Variants in DNAH6 observed in about 807,000 individuals in gnomAD.
DNAH6 encodes the protein axonemal beta dynein heavy chain 6.
DNAH6 carries 340 observed loss-of-function variants against 491.4 expected under a neutral mutation model. That is an observed-to-expected ratio of 0.69 (90% CI 0.63 to 0.76). The LOEUF (loss-of-function observed/expected upper bound fraction) is 0.76. Ranked by LOEUF, DNAH6 falls within the 30% of genes least tolerant of loss-of-function variation. DNAH6 has a pLI of 0.00. For missense variants in DNAH6, 4,443 were observed against 4,972.2 expected (o/e 0.89, Z 3.20); for synonymous variants, 1,603 against 1,686.1 (o/e 0.95, Z 1.21).
intron 61 of DNAH6, among the ~76,000 whole-genome samples, chr2:84,731,597 A>G (rs1450423670): frequency 2.0e-5 from 3 of 152,218 alleles, no homozygotes; most frequent in Non-Finnish European, 2.9e-5. Flanking sequence ...GAAGCAACCT[A>G]TAAAACAGAT....
chr2:84,784,557 T>A (rs576796850), intron 65 of DNAH6, among the ~76,000 whole-genome samples, 165 bp from the exon 66 acceptor site: 87 of 152,330 alleles, frequency 5.7e-4, no homozygotes, highest in Non-Finnish European at 1.1e-3. Context: ...TGCATCTTAC[T>A]CCCATTTTGA....
chr2:84,654,112 A>AAGAGAGAGAGAGAGAGAAAGAAAGAGG (rs1558860048), intron 34 of DNAH6, among the ~76,000 whole-genome samples: 1 of 150,730 alleles, frequency 6.6e-6, no homozygotes, highest in Non-Finnish European at 1.5e-5. Flanking sequence ...GAGAGAGAGA[A>AAGAGAGAGAGAGAGAGAAAGAAAGAGG]AGAGAGAGAG....
the DNAH6 span, among the ~76,000 whole-genome samples, chr2:84,497,194 C>T: frequency 6.6e-6 from 1 of 152,148 alleles, no homozygotes; most frequent in African/African-American, 2.4e-5. Flanking sequence ...TGGTCTCAAA[C>T]TCCTGACCTC....
At chr2:84,727,435 A>G (rs890419664) in intron 60 of DNAH6, among the ~76,000 whole-genome samples, 4 of 152,124 alleles carry the variant, frequency 2.6e-5, no homozygotes, top group African/African-American at 7.2e-5. Context: ...GGTCTCATCA[A>G]TGTAATAGCA....
intron 37 of DNAH6, among the ~76,000 whole-genome samples, chr2:84,662,939 G>C (rs184609442): frequency 1.4e-4 from 22 of 152,184 alleles, no homozygotes; most frequent in African/African-American, 4.6e-4. Flanking sequence ...AATATTTGCT[G>C]TTCTGCAGCC....
At chr2:84,729,852 A>G (rs552430779) in intron 61 of DNAH6, among the ~76,000 whole-genome samples, 1 of 152,252 alleles carries the variant, frequency 6.6e-6, no homozygotes, top group South Asian at 2.1e-4. Context: ...TTTTTATCGT[A>G]AGTACTACAT....
chr2:84,706,946 A>G lies in DNAH6; in HGVS notation c.8778A>G (p.Leu2926=). The G allele has an allele frequency of 6.5e-7, 1 of 1,544,782 alleles. No individual in the cohort carries two copies. The highest frequency in any genetic ancestry group is 1.2e-5 in the South Asian group (1 of 81,706). The change falls in exon 53 of 77, where the codon CTA becomes CTG. Residue 2926 remains leucine, a synonymous_variant. Coordinates refer to ENST00000389394, the MANE Select transcript of DNAH6 (RefSeq NM_001370.2). The stretch of plus-strand genomic sequence containing the variant: ...CCCTGAGAGAAAAGCAAGCATTACT[A>G]AGACAAGTAGAAGATCAAATACAGG... ...MATLREKQAL[L]RQVEDQIQAL...
At chr2:84,589,005 C>T (rs1308095947) in intron 16 of DNAH6, 51 bp downstream of exon 16, 26 of 1,463,472 alleles carry the variant, frequency 1.8e-5, no homozygotes, top group Middle Eastern at 1.8e-4. Context: ...ATAGAAATGG[C>T]GTATATGCAC....
chr2:84,801,413 T>A (rs960316922), intron 70 of DNAH6, among the ~76,000 whole-genome samples: 4 of 151,992 alleles, frequency 2.6e-5, no homozygotes, highest in Non-Finnish European at 5.9e-5. Flanking sequence ...GAGCTGACCA[T>A]CCCTAAGACA....
At chr2:84,801,189 A>G (rs951720153) in intron 70 of DNAH6, among the ~76,000 whole-genome samples, 1 of 151,002 alleles carries the variant, frequency 6.6e-6, no homozygotes. Flanking sequence ...TGGCACATGT[A>G]TACATATGCA....
At chr2:84,812,279 G>A (rs1573884414) in intron 72 of DNAH6, 62 bp from the exon 73 acceptor site, 3 of 1,443,666 alleles carry the variant, frequency 2.1e-6, no homozygotes, top group Middle Eastern at 3.6e-4. Context: ...TCATTAATGT[G>A]TGTCACTGAC....
At chr2:84,707,999 C>T (rs1000052182) in intron 54 of DNAH6, among the ~76,000 whole-genome samples, 1 of 152,138 alleles carries the variant, frequency 6.6e-6, no homozygotes, top group African/African-American at 2.4e-5. Context: ...CAGTGAGTCC[C>T]CTACCCTTAT....
chr2:84,497,116 G>A, the DNAH6 span, among the ~76,000 whole-genome samples: 127,367 of 151,816 alleles, frequency 0.84, 55,164 homozygotes, highest in East Asian at 0.99. Flanking sequence ...GACTATAGGT[G>A]CGCACCACCA....
chr2:84,645,708 C>T (rs191384163), intron 33 of DNAH6, among the ~76,000 whole-genome samples: 64 of 152,256 alleles, frequency 4.2e-4, no homozygotes, highest in African/African-American at 1.4e-3. Context: ...TGGGATTTCT[C>T]TCAGATATTT....
At position 84,653,351 on chromosome 2, in the gene DNAH6, A is replaced by C. The variant is rs1484403986; in HGVS notation, c.5111A>C (p.Gln1704Pro). 6.5e-7 allele frequency: 1 copy of C among 1,540,546 alleles called. No homozygotes were observed. Among genetic ancestry groups the C allele is most frequent in the South Asian group, 1.2e-5 (1 of 82,906 alleles). ...GIISDLFPGV[Q>P]IPEHDYGILQ... is the part of the protein sequence containing the mutation. ...ATATCTGACCTTTTTCCTGGAGTCC[A>C]AATTCCAGAACATGATTATGGTATT... is the stretch of plus-strand genomic sequence containing the variant. The change falls in exon 34 of 77, where the codon CAA becomes CCA. Residue 1704 changes from glutamine to proline, a missense_variant. This residue lies in a region of DNAH6 where 2,977 missense variants were observed against 3,296.6 expected (regional missense o/e 0.90). Transcript: ENST00000389394.
rs1573548003 is a variant in DNAH6 at position 84,705,700 on chromosome 2, G to A, written c.8680G>A (p.Val2894Met). ...WVRAMDLYSR[V>M]VKVVEPKRQK... ...AAGAGCTATGGATTTGTACTCTCGA[G>A]TGGTCAAGGTCGTCGAACCAAAAAG... Residue 2894 changes from valine to methionine, a missense_variant, in exon 52 of 77, where the codon GTG becomes ATG. This residue lies in a region of DNAH6 where 1,463 missense variants were observed against 1,656.6 expected (regional missense o/e 0.88). Coordinates refer to ENST00000389394, the MANE Select transcript of DNAH6 (RefSeq NM_001370.2). 1 of 1,551,546 alleles carries A rather than the reference G, an allele frequency of 6.4e-7. No homozygotes were observed. The highest frequency in any genetic ancestry group is 2.4e-5 in the East Asian group (1 of 40,914).
chr2:84,707,769 C>A, intron 54 of DNAH6, 53 bp downstream of exon 54: 1 of 1,415,192 alleles, frequency 7.1e-7, no homozygotes, highest in Non-Finnish European at 9.6e-7. Flanking sequence ...GAAACTGGAG[C>A]CAGGGGTGGT....
intron 46 of DNAH6, among the ~76,000 whole-genome samples, chr2:84,696,789 A>G (rs1254050526): frequency 1.3e-5 from 2 of 152,136 alleles, no homozygotes; most frequent in Non-Finnish European, 2.9e-5. Flanking sequence ...TATTTGCATC[A>G]ATGTTGAAAG....
intron 71 of DNAH6, among the ~76,000 whole-genome samples, chr2:84,806,288 T>C (rs1679402342): frequency 6.6e-6 from 1 of 152,182 alleles, no homozygotes; most frequent in Admixed American, 6.5e-5. Flanking sequence ...AGAAGACATA[T>C]GGCTAAATTA....
Sources: gnomAD v4.1 joint callset for allele counts (sites outside exome capture counted in the v4.1 genomes callset) on GRCh38, gnomAD v4.1.1 for gene constraint, gnomAD v4.1.1 regional missense constraint, MANE v1.5 for transcripts, NCBI Gene and HGNC (gene_info 2026-07-23, HGNC 2026-07-21) for gene names.